Variants in NMNAT2 observed in about 807,000 individuals in gnomAD.
NMNAT2 encodes nicotinamide/nicotinic acid mononucleotide adenylyltransferase 2.
Under a neutral mutation model 41.6 loss-of-function variants are expected in NMNAT2, and 11 were observed. That is an observed-to-expected ratio of 0.26 (90% CI 0.17 to 0.44). The LOEUF is 0.44. Among genes scored for constraint, NMNAT2 ranks in the 20% least tolerant of loss-of-function variants. NMNAT2 has a pLI of 1.00. For missense variants in NMNAT2, 288 were observed against 407.7 expected, an observed-to-expected ratio of 0.71 and a Z score of 2.53; for synonymous variants, 148 against 151.2, an observed-to-expected ratio of 0.98 and a Z score of 0.16.
At chr1:183,381,295 C>T (rs2101915966) in intron 1 of NMNAT2, among the ~76,000 whole-genome samples, 2 of 152,352 alleles carry the variant, frequency 1.3e-5, no homozygotes, top group Admixed American at 1.3e-4. Flanking sequence ...CAAAAACCAA[C>T]CTCTATTTGG....
intron 1 of NMNAT2, among the ~76,000 whole-genome samples, chr1:183,369,994 C>T (rs1226214664): frequency 1.3e-5 from 2 of 151,996 alleles, no homozygotes; most frequent in African/African-American, 4.8e-5. Context: ...GGCTCTGGAG[C>T]CCGCTAGGTC....
intron 3 of NMNAT2, 37 bp from the exon 4 acceptor site, chr1:183,290,243 T>C (rs1180127214): frequency 6.7e-7 from 1 of 1,488,188 alleles, no homozygotes; most frequent in Admixed American, 2.0e-5. Flanking sequence ...TTGGTTTCTG[T>C]TCTCATATTC....
At chr1:183,384,076 C>T (rs974318950) in intron 1 of NMNAT2, among the ~76,000 whole-genome samples, 7 of 152,176 alleles carry the variant, frequency 4.6e-5, no homozygotes, top group Admixed American at 3.3e-4. Flanking sequence ...CATGGTTCCA[C>T]AGGCTGTATA....
At chr1:183,273,836 TCCCTC>T (rs1661050535) in intron 8 of NMNAT2, among the ~76,000 whole-genome samples, 2 of 2,858 alleles carry the variant, frequency 7.0e-4, no homozygotes, top group Non-Finnish European at 3.8e-3. Context: ...CCTCCCTCCC[TCCCTC>T]CCTTCCTTCC....
chr1:183,284,732 C>A lies in NMNAT2; in HGVS notation c.507G>T (p.Pro169=), dbSNP rs200074277. ...SLSRICCVRP[P]VERFTFVDEN... is the part of the protein sequence containing the mutation. ...CACCTACAAAGGTGAAACGCTCCAC[C>A]GGCGGGCGGACACAGCAGATCCGGC... The change falls in exon 6 of 11, where the codon CCG becomes CCT. Residue 169 remains proline (P), a synonymous_variant. Transcript: ENST00000287713. 9 of 1,614,014 alleles carry A rather than the reference C, an allele frequency of 5.6e-6. No individual in the cohort carries two copies. The East Asian group carries it at 8.9e-5, about 16-fold the overall frequency.
chr1:183,262,688 A>C (rs1660693363), intron 8 of NMNAT2, among the ~76,000 whole-genome samples: 1 of 152,256 alleles, frequency 6.6e-6, no homozygotes, highest in Admixed American at 6.5e-5. Context: ...TAAACTGTAC[A>C]TAATTCAAGC....
At chr1:183,348,756 G>T (rs939124501) in intron 1 of NMNAT2, among the ~76,000 whole-genome samples, 8 of 152,158 alleles carry the variant, frequency 5.3e-5, no homozygotes, top group Admixed American at 3.3e-4. Flanking sequence ...TGGAAGGAAG[G>T]TATTCTGCTT....
intron 1 of NMNAT2, among the ~76,000 whole-genome samples, chr1:183,322,135 ATTTGGATGCC>A (rs1308427840): frequency 1.3e-5 from 2 of 152,172 alleles, no homozygotes; most frequent in Non-Finnish European, 2.9e-5. Context: ...TGGGCTAGAT[ATTTGGATGCC>A]TTTAATAACC....
At chr1:183,342,829 G>A (rs927875663) in intron 1 of NMNAT2, among the ~76,000 whole-genome samples, 7 of 151,922 alleles carry the variant, frequency 4.6e-5, no homozygotes, top group Admixed American at 3.9e-4. Flanking sequence ...GACCTCCTGG[G>A]CTCAAGTGAT....
Position 183,418,204 on chromosome 1 carries a change from T to C in NMNAT2, c.64A>G (p.Lys22Glu). ...LACGSFNPIT[K>E]GHIQMFERAR... ...TCACCAAACATCTGAATGTGCCCTT[T>C]GGTGATGGGATTGAAGCTGCCGCAG... The change falls in exon 1 of 11, where the codon AAA becomes GAA. Residue 22 changes from lysine to glutamate, a missense_variant. Lys to Glu is a moderately conservative substitution (Grantham distance 56). Around this residue, in one of 3 missense-constraint regions of NMNAT2, gnomAD observed 100 missense variants for 168.5 expected, o/e 0.59. Transcript: ENST00000287713. 1 of 1,612,272 alleles carries C rather than the reference T, an allele frequency of 6.2e-7. No homozygotes were observed. Among genetic ancestry groups the C allele is most frequent in the Non-Finnish European group, 8.5e-7 (1 of 1,179,738 alleles).
intron 1 of NMNAT2, among the ~76,000 whole-genome samples, chr1:183,341,725 CAAAAAAAA>C (rs762935303): frequency 4.5e-5 from 1 of 22,210 alleles, no homozygotes; most frequent in Admixed American, 6.6e-4. Context: ...AAACAAACAC[CAAAAAAAA>C]AAAAAAAAAA....
chr1:183,352,760 A>T (rs2102353348), intron 1 of NMNAT2, among the ~76,000 whole-genome samples: 1 of 152,282 alleles, frequency 6.6e-6, no homozygotes, highest in African/African-American at 2.4e-5. Context: ...TGGTGATCAC[A>T]TCAAGGCCCT....
At chr1:183,381,870 C>A (rs1663809409) in intron 1 of NMNAT2, among the ~76,000 whole-genome samples, 1 of 152,094 alleles carries the variant, frequency 6.6e-6, no homozygotes, top group Non-Finnish European at 1.5e-5. Context: ...ATGAGAAAAT[C>A]AAAGCAGAGA....
intron 1 of NMNAT2, among the ~76,000 whole-genome samples, chr1:183,297,806 T>C (rs1236916531): frequency 6.6e-6 from 1 of 152,200 alleles, no homozygotes; most frequent in Non-Finnish European, 1.5e-5. Context: ...TCAAAAATCC[T>C]TAACAAATGT....
intron 4 of NMNAT2, 102 bp downstream of exon 4, chr1:183,290,026 C>T (rs1037189343): frequency 1.4e-5 from 13 of 896,838 alleles, no homozygotes; most frequent in Non-Finnish European, 2.2e-5. Flanking sequence ...GGTCGATAGG[C>T]CAGCAGCACC....
Position 183,353,888 on chromosome 1 carries a change from T to C in NMNAT2, c.86-60095A>G, listed in dbSNP as rs141565458. Among the ~76,000 whole-genome samples, 1,506 of 152,152 alleles carry C rather than the reference T, an allele frequency of 9.9e-3. 24 individuals are homozygous for C. The highest frequency in any genetic ancestry group is 0.035 in the African/African-American group (1,442 of 41,484). On this transcript the variant is annotated intron_variant, in intron 1 of 10. Coordinates refer to ENST00000287713, the MANE Select transcript of NMNAT2 (RefSeq NM_015039.4). ...GAGTGAGAGGCCCCAGTGAGATACC[T>C]GGGAGTCAGGAAGCTCCAACCCCCT...
chr1:183,300,859 G>A (rs1352970616), intron 1 of NMNAT2, among the ~76,000 whole-genome samples: 3 of 152,170 alleles, frequency 2.0e-5, no homozygotes, highest in Non-Finnish European at 4.4e-5. Context: ...ATTTTGGTTT[G>A]TTACATTGTG....
chr1:183,395,870 A>G (rs1376912164), intron 1 of NMNAT2, among the ~76,000 whole-genome samples: 1 of 152,176 alleles, frequency 6.6e-6, no homozygotes, highest in East Asian at 1.9e-4. Context: ...CTGTACCTTT[A>G]GCATAAAGGT....
chr1:183,412,923 CAG>C (rs754490592), intron 1 of NMNAT2, among the ~76,000 whole-genome samples: 1 of 152,134 alleles, frequency 6.6e-6, no homozygotes, highest in South Asian at 2.1e-4. Context: ...GGAGGAAAAA[CAG>C]AAAAAGAATG....
Sources: allele counts gnomAD v4.1 joint callset (sites outside exome capture counted in the v4.1 genomes callset), GRCh38; gene constraint gnomAD v4.1.1; regional missense constraint gnomAD v4.1.1; transcripts MANE v1.5; gene names NCBI Gene and HGNC (gene_info 2026-07-23, HGNC 2026-07-21).